Variants in AOPEP observed in about 807,000 individuals in gnomAD.
AOPEP encodes aminopeptidase O.
Under a neutral mutation model 98.1 loss-of-function variants are expected in AOPEP, and 77 were observed. The observed-to-expected ratio is 0.78, with a 90% CI of 0.65 to 0.95. The LOEUF is 0.95. AOPEP is among the 40% of genes least tolerant of loss of function. The pLI, the probability that AOPEP is intolerant of heterozygous loss-of-function variation, is 0.00. For missense variants in AOPEP, 1,024 were observed against 1,024.7 expected, an observed-to-expected ratio of 1.00 and a Z score of 0.01; for synonymous variants, 346 against 365.3, an observed-to-expected ratio of 0.95 and a Z score of 0.60.
intron 5 of AOPEP, among the ~76,000 whole-genome samples, chr9:94,867,303 T>C (rs2045814024): frequency 6.6e-6 from 1 of 152,240 alleles, no homozygotes; most frequent in South Asian, 2.1e-4. Context: ...AAGTACTTGC[T>C]ATTTCCAGGT....
intron 7 of AOPEP, chr9:94,933,277 A>G: frequency 5.1e-6 from 5 of 985,548 alleles, no homozygotes; most frequent in Non-Finnish European, 6.0e-6. Flanking sequence ...GGATTCCGGC[A>G]GCTTCTGCCT....
intron 11 of AOPEP, among the ~76,000 whole-genome samples, chr9:95,004,453 C>G (rs1237226559): frequency 6.6e-6 from 1 of 151,892 alleles, no homozygotes; most frequent in Non-Finnish European, 1.5e-5. Flanking sequence ...CGGGAGGTCA[C>G]CTGCCGCTGC....
chr9:94,774,054 A>G (rs1288204560), intron 3 of AOPEP, among the ~76,000 whole-genome samples: 5 of 152,184 alleles, frequency 3.3e-5, no homozygotes, highest in Admixed American at 6.5e-5. Flanking sequence ...GTGCCTGGCC[A>G]GGAAACATTT....
intron 14 of AOPEP, among the ~76,000 whole-genome samples, chr9:95,070,174 A>G (rs1238863163): frequency 6.6e-6 from 1 of 152,230 alleles, no homozygotes; most frequent in Non-Finnish European, 1.5e-5. Context: ...CCCCACTGGA[A>G]TGCCGTTTGC....
rs1166945867 is a variant in AOPEP at position 95,064,753 on chromosome 9, A to G, written c.2232+3943A>G. ...AGGTGGAAGTTGTGAGTCCAGCAACACAATCATGTGACAGCTTTAATGCTC... is the reference window on the plus strand; with the variant it reads ...AGGTGGAAGTTGTGAGTCCAGCAACGCAATCATGTGACAGCTTTAATGCTC... On this transcript the variant is annotated intron_variant, in intron 14 of 16. Coordinates refer to ENST00000375315, the MANE Select transcript of AOPEP (RefSeq NM_001193329.3). Among the ~76,000 whole-genome samples the G allele has an allele frequency of 3.3e-5, 5 of 151,884 alleles. No individual in the cohort carries two copies. In the East Asian group the frequency reaches 9.7e-4, roughly 30 times the overall value.
At chr9:94,878,802 G>A (rs2135796713) in intron 5 of AOPEP, among the ~76,000 whole-genome samples, 1 of 152,334 alleles carries the variant, frequency 6.6e-6, no homozygotes, top group South Asian at 2.1e-4. Context: ...CAGCCTTTCT[G>A]TAACTGCCCA....
chr9:95,123,291 A>G, the AOPEP span: 84 of 293,636 alleles, frequency 2.9e-4, no homozygotes, highest in South Asian at 9.5e-4. Flanking sequence ...GTGGCAGAGT[A>G]AGAGCCTGTC....
At chr9:95,019,485 T>C (rs1261054374) in intron 13 of AOPEP, 2 of 152,218 alleles carry the variant, frequency 1.3e-5, no homozygotes, top group African/African-American at 2.4e-5. Flanking sequence ...CTGTTGGAGC[T>C]TTTGCAAATA....
At chr9:95,032,184 A>C (rs1284212872) in intron 13 of AOPEP, among the ~76,000 whole-genome samples, 2 of 152,156 alleles carry the variant, frequency 1.3e-5, no homozygotes, top group Non-Finnish European at 2.9e-5. Context: ...ACCCCACTGC[A>C]CCTGGCCAGC....
At chr9:95,129,219 C>A in the AOPEP span, among the ~76,000 whole-genome samples, 2 of 152,164 alleles carry the variant, frequency 1.3e-5, no homozygotes, top group Non-Finnish European at 2.9e-5. Flanking sequence ...TCACCGATGG[C>A]TTTTAAAATG....
intron 14 of AOPEP, among the ~76,000 whole-genome samples, chr9:95,078,078 G>A (rs1260485557): frequency 6.6e-6 from 1 of 152,072 alleles, no homozygotes; most frequent in African/African-American, 2.4e-5. Context: ...GACTGGGCTT[G>A]GTCTGTCCTT....
intron 5 of AOPEP, among the ~76,000 whole-genome samples, chr9:94,852,525 G>A (rs1008618083): frequency 2.6e-5 from 4 of 152,134 alleles, no homozygotes; most frequent in African/African-American, 9.7e-5. Context: ...CAGTGGGATC[G>A]GATATCATGA....
chr9:95,111,850 C>T, the AOPEP span, among the ~76,000 whole-genome samples: 24 of 152,266 alleles, frequency 1.6e-4, no homozygotes, highest in South Asian at 3.9e-3. Flanking sequence ...TCAGGACCCC[C>T]GTGAGGCCTG....
chr9:94,790,104 T>C (rs1350926779), intron 3 of AOPEP, among the ~76,000 whole-genome samples: 1 of 151,954 alleles, frequency 6.6e-6, no homozygotes, highest in Non-Finnish European at 1.5e-5. Flanking sequence ...CTCGATCTCC[T>C]GACCTCGTGA....
intron 5 of AOPEP, among the ~76,000 whole-genome samples, chr9:94,863,153 C>T (rs1156580276): frequency 7.9e-5 from 12 of 152,042 alleles, no homozygotes; most frequent in Admixed American, 3.3e-4. Context: ...GAGTGGGAAC[C>T]GGGGCTGCTT....
At chr9:95,086,339 C>G (rs2070694647) in intron 16 of AOPEP, 1 of 985,316 alleles carries the variant, frequency 1.0e-6, no homozygotes, top group Non-Finnish European at 1.2e-6. Flanking sequence ...CCGTTTGCCC[C>G]CATGTGTAAG....
chr9:94,846,146 G>A (rs2042839256), intron 5 of AOPEP, among the ~76,000 whole-genome samples: 1 of 151,982 alleles, frequency 6.6e-6, no homozygotes. Flanking sequence ...AATACAGCTG[G>A]AGTTCATGAG....
At chr9:95,022,848 T>C (rs1364691642) in intron 13 of AOPEP, among the ~76,000 whole-genome samples, 3 of 152,182 alleles carry the variant, frequency 2.0e-5, no homozygotes, top group Non-Finnish European at 2.9e-5. Flanking sequence ...GCCCAGAACA[T>C]GTGTGGTTTC....
At chr9:94,802,824 G>A (rs1848471049) in intron 5 of AOPEP, among the ~76,000 whole-genome samples, 1 of 152,276 alleles carries the variant, frequency 6.6e-6, no homozygotes, top group African/African-American at 2.4e-5. Flanking sequence ...CCATTCCCTG[G>A]ATGAGAGCTG....
Sources: allele counts gnomAD v4.1 joint callset (sites outside exome capture counted in the v4.1 genomes callset), GRCh38; gene constraint gnomAD v4.1.1; transcripts MANE v1.5; gene names NCBI Gene and HGNC (gene_info 2026-07-23, HGNC 2026-07-21).